The following FABP1 variants were observed in gnomAD, a reference collection of about 807,000 sequenced individuals.
The protein encoded by FABP1 is fatty acid binding protein 1.
Under a neutral mutation model 13.7 loss-of-function variants are expected in FABP1, and 13 were observed. The observed-to-expected ratio is 0.95, with a 90% CI of 0.62 to 1.51. FABP1 has a LOEUF of 1.51. Among genes scored for constraint, FABP1 ranks in the 40% most tolerant of loss-of-function variants. The pLI is 0.00. For missense variants in FABP1, 140 were observed against 155.7 expected, an observed-to-expected ratio of 0.90 and a Z score of 0.54; for synonymous variants, 48 against 59.8, an observed-to-expected ratio of 0.80 and a Z score of 0.91.
intron 2 of FABP1, among the ~76,000 whole-genome samples, chr2:88,124,977 T>C (rs1418288163): frequency 2.0e-5 from 3 of 150,870 alleles, no homozygotes; most frequent in African/African-American, 4.9e-5. Context: ...ATTCTTCTTT[T>C]TTTTTTTTTT....
At chr2:88,127,515 T>C (rs1675321060) in intron 1 of FABP1, among the ~76,000 whole-genome samples, 2 of 152,212 alleles carry the variant, frequency 1.3e-5, no homozygotes, top group African/African-American at 2.4e-5. Context: ...CAGCGCTCCA[T>C]ACACCTGAGG....
rs528451730 is a variant in FABP1, at chr2:88,122,982, T to C, written c.*72A>G. On this transcript the variant is annotated 3_prime_UTR_variant, in exon 4 of 4. Coordinates refer to ENST00000295834, the MANE Select transcript of FABP1 (RefSeq NM_001443.3). ...TCAATGAAAAGGCATTGAGAAGACA[T>C]TTTTTTTTAAAACAAAGTTCACTTT... 1.8e-4 allele frequency: 204 copies of C among 1,115,832 alleles called. 1 individual carries two copies. In the African/African-American group the frequency reaches 2.9e-3, roughly 16 times the overall value. 69.1% of individuals were successfully genotyped at this position (1,115,832 alleles called of 1,614,324 possible). A position where few individuals can be genotyped will look rare whatever the true frequency, so the allele number is the denominator to read the frequency against.
Position 88,127,979 on chromosome 2 carries a change from T to C in FABP1, c.39A>G (p.Glu13=). The C allele has an allele frequency of 6.2e-7, 1 of 1,614,238 alleles. No homozygotes were observed. Among genetic ancestry groups the C allele is most frequent in the African/African-American group, 1.3e-5 (1 of 75,062 alleles). ...FSGKYQLQSQ[E]NFEAFMKAIG... is the part of the protein sequence containing the mutation. ...TTGCCTTCATGAAGGCTTCAAAGTT[T>C]TCCTGGCTCTGCAGTTGGTACTTGC... Residue 13 remains glutamate (E), a synonymous_variant, in exon 1 of 4, where the codon GAA becomes GAG. Transcript: ENST00000295834.
chr2:88,125,483 C>A (rs1675279041), intron 2 of FABP1, among the ~76,000 whole-genome samples: 1 of 152,150 alleles, frequency 6.6e-6, no homozygotes, highest in African/African-American at 2.4e-5. Flanking sequence ...AGACGGGCAC[C>A]CCCATTGCCA....
chr2:88,127,997 G>A lies in FABP1; in HGVS notation c.21C>T (p.Tyr7=), dbSNP rs1325102601. The A allele has an allele frequency of 1.9e-6, 3 of 1,614,146 alleles. No individual in the cohort carries two copies. Among genetic ancestry groups the A allele is most frequent in the Non-Finnish European group, 2.5e-6 (3 of 1,180,016 alleles). MSFSGK[Y]QLQSQENFEA... ...CAAAGTTTTCCTGGCTCTGCAGTTG[G>A]TACTTGCCGGAGAAACTCATGGTGG... Residue 7 remains tyrosine (Y), a synonymous_variant, in exon 1 of 4, where the codon TAC becomes TAT. Coordinates refer to ENST00000295834, the MANE Select transcript of FABP1 (RefSeq NM_001443.3).
At position 88,123,292 on chromosome 2, in the gene FABP1, A is replaced by G. The variant is rs781074912; in HGVS notation, c.334-188T>C. The G allele has an allele frequency of 5.6e-4, 322 of 575,694 alleles. 2 individuals are homozygous for G. The highest frequency in any genetic ancestry group is 8.0e-4 in the Non-Finnish European group (258 of 323,626). The allele number at this position is 575,694 out of a possible 1,614,324, so 35.7% of individuals were successfully genotyped here. ...GGTTGGCAATGTTTTCCAAAATCCT[A>G]TGCCAAGTCTTTGTCACTTCTCCTC... On this transcript the variant is annotated intron_variant, in intron 3 of 3. Transcript: ENST00000295834.
rs907961696 is a variant in FABP1 at position 88,127,802 on chromosome 2, T to C, written c.67+149A>G. ...GCAGTGAGGACTTGCTGCAAATAAC[T>C]CCAGAAGTCAGTAAAATGCCCCCTA... On this transcript the variant is annotated intron_variant, in intron 1 of 3. Transcript: ENST00000295834. 3.4e-5 allele frequency: 28 copies of C among 815,528 alleles called. No homozygotes were observed. The Admixed American group carries it at 5.1e-4, about 15-fold the overall frequency. 50.5% of individuals were successfully genotyped at this position (815,528 alleles called of 1,614,324 possible).
At chr2:88,124,295 G>C in intron 3 of FABP1, 199 bp downstream of exon 3, 3 of 518,166 alleles carry the variant, frequency 5.8e-6, no homozygotes, top group Non-Finnish European at 1.0e-5. Flanking sequence ...TGAGCAGAAA[G>C]GATTAGTGAT....
At chr2:88,123,205 A>G (rs996571769) in intron 3 of FABP1, 101 bp from the exon 4 acceptor site, 5 of 918,336 alleles carry the variant, frequency 5.4e-6, no homozygotes, top group African/African-American at 5.1e-5. Context: ...AAACAGCACC[A>G]AATATGTTGG....
intron 2 of FABP1, among the ~76,000 whole-genome samples, chr2:88,125,002 G>T (rs1329133143): frequency 6.7e-6 from 1 of 148,380 alleles, no homozygotes; most frequent in Non-Finnish European, 1.5e-5. Context: ...TTGAGATGAG[G>T]TCTTGCTATG....
chr2:88,126,698 C>A (rs73947450), intron 1 of FABP1: 2,348 of 199,672 alleles, frequency 0.012, 55 homozygotes, highest in African/African-American at 0.05. Context: ...GCATTTCATT[C>A]CCCATACCCC....
At chr2:88,124,189 G>C (rs1429178258) in intron 3 of FABP1, 2 of 326,610 alleles carry the variant, frequency 6.1e-6, no homozygotes, top group African/African-American at 4.4e-5. Context: ...GACCATGAAT[G>C]GGATTCTCTT....
chr2:88,126,330 A>C lies in FABP1; in HGVS notation c.86T>G (p.Ile29Ser). The stretch of plus-strand genomic sequence containing the variant: ...CCCCTTGATATCCTTCCCCTTCTGG[A>C]TGAGCTCTTCCGGCAGACCTGGTGG... ...MKAIGLPEEL[I>S]QKGKDIKGVS... Residue 29 changes from isoleucine (I) to serine (S), a missense_variant, in exon 2 of 4, where the codon ATC becomes AGC. Coordinates refer to ENST00000295834, the MANE Select transcript of FABP1 (RefSeq NM_001443.3). 1 of 1,613,736 alleles carries C rather than the reference A, an allele frequency of 6.2e-7. No homozygotes were observed. Among genetic ancestry groups the C allele is most frequent in the Non-Finnish European group, 8.5e-7 (1 of 1,179,738 alleles).
chr2:88,127,370 G>A (rs1430385291), intron 1 of FABP1, among the ~76,000 whole-genome samples: 1 of 152,176 alleles, frequency 6.6e-6, no homozygotes, highest in Non-Finnish European at 1.5e-5. Flanking sequence ...GACCTTGCTT[G>A]TGATTACTAA....
At chr2:88,127,857 C>G in intron 1 of FABP1, 94 bp downstream of exon 1, 3 of 1,233,326 alleles carry the variant, frequency 2.4e-6, no homozygotes, top group Admixed American at 3.4e-5. Context: ...ATCTCTCCCC[C>G]CATCTCAACA....
At chr2:88,125,245 A>G (rs1013742058) in intron 2 of FABP1, among the ~76,000 whole-genome samples, 4 of 152,214 alleles carry the variant, frequency 2.6e-5, no homozygotes, top group Non-Finnish European at 5.9e-5. Context: ...TTTTGCCTCC[A>G]AAAAGAAAAT....
At chr2:88,124,272 T>C in intron 3 of FABP1, 1 of 480,088 alleles carries the variant, frequency 2.1e-6, no homozygotes, top group Admixed American at 4.3e-5. Flanking sequence ...CCTCTGTGGC[T>C]GGTTGGTTGC....
Position 88,123,076 on chromosome 2 carries a change from T to C in FABP1, c.362A>G (p.Lys121Arg), listed in dbSNP as rs552181602. ...TGTTTAAATTCTCTTGCTGATTCTC[T>C]TGAAGACAATGTCACCCAATGTCAT... is the stretch of plus-strand genomic sequence containing the variant. ...NTMTLGDIVF[K>R]RISKRI is the part of the protein sequence containing the mutation. The change falls in exon 4 of 4, where the codon AAG (lysine) becomes AGG (arginine). Residue 121 changes from lysine to arginine, a missense_variant. Coordinates refer to ENST00000295834, the MANE Select transcript of FABP1 (RefSeq NM_001443.3). 6.2e-7 allele frequency: 1 copy of C among 1,612,480 alleles called. No individual in the cohort carries two copies. The highest frequency in any genetic ancestry group is 1.1e-5 in the South Asian group (1 of 90,406).
In FABP1 at chr2:88,124,551, C is replaced by G. The variant is rs1675262575; in HGVS notation, c.276G>C (p.Val92=). The G allele has an allele frequency of 6.2e-7, 1 of 1,611,392 alleles. No individual in the cohort carries two copies. The highest frequency in any genetic ancestry group is 1.1e-5 in the South Asian group (1 of 90,468). The change falls in exon 3 of 4, where the codon GTG becomes GTC. Residue 92 remains valine (V), a synonymous_variant. Coordinates refer to ENST00000295834, the MANE Select transcript of FABP1 (RefSeq NM_001443.3). ...VVQLEGDNKL[V]TTFKNIKSVT... ...CAGACTTGATGTTTTTGAAAGTTGTCACCAGTTTATTGTCACCTTCCAACT... is the reference window on the plus strand; with the variant it reads ...CAGACTTGATGTTTTTGAAAGTTGTGACCAGTTTATTGTCACCTTCCAACT...
Sources: allele counts gnomAD v4.1 joint callset (sites outside exome capture counted in the v4.1 genomes callset), GRCh38; gene constraint gnomAD v4.1.1; transcripts MANE v1.5; gene names NCBI Gene and HGNC (gene_info 2026-07-23, HGNC 2026-07-21).